The following CRB1 variants were observed in gnomAD, a reference collection of about 807,000 sequenced individuals.
CRB1 encodes protein crumbs homolog 1.
Under a neutral mutation model 120.0 loss-of-function variants are expected in CRB1, and 83 were observed. The observed-to-expected ratio is 0.69, with a 90% CI of 0.58 to 0.83. The LOEUF (loss-of-function observed/expected upper bound fraction) is 0.83, where lower values mean the gene tolerates loss of function less well. Ranked by LOEUF, CRB1 falls within the 40% of genes least tolerant of loss-of-function variation. CRB1 has a pLI of 0.00. For missense variants in CRB1, 1,699 were observed against 1,687.6 expected, an observed-to-expected ratio of 1.01 and a Z score of -0.12; for synonymous variants, 625 against 612.5, an observed-to-expected ratio of 1.02 and a Z score of -0.30.
intron 7 of CRB1, 30 bp downstream of exon 7, chr1:197,428,031 T>A: frequency 1.3e-6 from 2 of 1,581,496 alleles, no homozygotes; most frequent in Non-Finnish European, 1.7e-6. Context: ...ACTAGGTATA[T>A]ACTGTATGCT....
intron 5 of CRB1, among the ~76,000 whole-genome samples, chr1:197,395,316 T>C (rs1662717786): frequency 6.6e-6 from 1 of 152,188 alleles, no homozygotes; most frequent in Non-Finnish European, 1.5e-5. Context: ...GTAATGTACA[T>C]AATATCTGAA....
intron 1 of CRB1, among the ~76,000 whole-genome samples, chr1:197,300,774 G>C (rs1656817667): frequency 6.6e-6 from 1 of 152,198 alleles, no homozygotes; most frequent in African/African-American, 2.4e-5. Flanking sequence ...TAGCTAGAAA[G>C]AAGTTGATGC....
intron 11 of CRB1, among the ~76,000 whole-genome samples, chr1:197,449,331 C>T (rs962096115): frequency 1.3e-5 from 2 of 151,776 alleles, no homozygotes; most frequent in East Asian, 3.9e-4. Flanking sequence ...TGAATGAATT[C>T]TTTTATGTTT....
Position 197,268,326 on chromosome 1 carries a change from G to A in CRB1, c.-87G>A, listed in dbSNP as rs1277274157. ...GGCACCTGGGGGTTCTGAGGCACCCGCTCCTCTCTGAGACAGACAGGGATC... is the reference window on the plus strand; with the variant it reads ...GGCACCTGGGGGTTCTGAGGCACCCACTCCTCTCTGAGACAGACAGGGATC... On this transcript the variant is annotated 5_prime_UTR_variant, in exon 1 of 12. Coordinates refer to ENST00000367400, the MANE Select transcript of CRB1 (RefSeq NM_201253.3). 5 of 962,858 alleles carry A rather than the reference G, an allele frequency of 5.2e-6. No homozygotes were observed. Among genetic ancestry groups the A allele is most frequent in the African/African-American group, 1.6e-5 (1 of 62,244 alleles). 59.6% of individuals were successfully genotyped at this position (962,858 alleles called of 1,614,324 possible).
In CRB1 at chr1:197,287,134, T is replaced by C. The variant is rs574508258; in HGVS notation, c.70+18652T>C. ...GTACGTGGAATATGGCCTGAATATA[T>C]AGGAGCTAATTAGAAAATAAAGTAA... On this transcript the variant is annotated intron_variant, in intron 1 of 11. Coordinates refer to ENST00000367400, the MANE Select transcript of CRB1 (RefSeq NM_201253.3). 2.0e-5 allele frequency among the ~76,000 whole-genome samples: 3 copies of C among 151,990 alleles called. No individual in the cohort carries two copies. In the South Asian group the frequency reaches 6.2e-4, roughly 31 times the overall value.
chr1:197,234,440 G>A, the CRB1 span, among the ~76,000 whole-genome samples: 1 of 152,248 alleles, frequency 6.6e-6, no homozygotes, highest in Non-Finnish European at 1.5e-5. Context: ...TGAGCTTGGA[G>A]AGAGATCCTT....
chr1:197,341,134 G>A (rs776688121), intron 2 of CRB1, among the ~76,000 whole-genome samples: 3 of 152,098 alleles, frequency 2.0e-5, no homozygotes, highest in Non-Finnish European at 1.5e-5. Context: ...ATAACACCTG[G>A]GAATTCAAGA....
At chr1:197,405,692 C>CAT (rs1454365980) in intron 5 of CRB1, among the ~76,000 whole-genome samples, 1 of 151,942 alleles carries the variant, frequency 6.6e-6, no homozygotes, top group Non-Finnish European at 1.5e-5. Context: ...CCCTGCCGCC[C>CAT]CGTCTGGGAG....
At chr1:197,247,475 C>A in the CRB1 span, among the ~76,000 whole-genome samples, 1 of 151,988 alleles carries the variant, frequency 6.6e-6, no homozygotes, top group African/African-American at 2.4e-5. Context: ...ATTTATCTAA[C>A]CTTTCAAGGG....
At chr1:197,466,527 T>C (rs1234821944) in intron 11 of CRB1, among the ~76,000 whole-genome samples, 2 of 152,200 alleles carry the variant, frequency 1.3e-5, no homozygotes, top group African/African-American at 2.4e-5. Context: ...AGCATATCTA[T>C]TGGCTTTTTG....
intron 5 of CRB1, among the ~76,000 whole-genome samples, chr1:197,381,076 C>T (rs373180537): frequency 1.3e-5 from 2 of 152,172 alleles, no homozygotes; most frequent in Admixed American, 1.3e-4. Flanking sequence ...AGATCCTGAA[C>T]AATCATTAAT....
chr1:197,229,021 C>G, the CRB1 span, among the ~76,000 whole-genome samples: 1 of 152,080 alleles, frequency 6.6e-6, no homozygotes, highest in Non-Finnish European at 1.5e-5. Flanking sequence ...GTGTTCCTCC[C>G]ATAGAATGTG....
Position 197,427,819 on chromosome 1 carries a change from A to C in CRB1, c.2494A>C (p.Ile832Leu). Residue 832 changes from isoleucine to leucine, a missense_variant, in exon 7 of 12, where the codon ATT (isoleucine) becomes CTT (leucine). Physicochemically the swap from Ile to Leu is conservative, Grantham distance 5 (BLOSUM62 2). Coordinates refer to ENST00000367400, the MANE Select transcript of CRB1 (RefSeq NM_201253.3). ...WKIEKGDVIYIGGLPDKQETE... is the reference protein window; with the variant it reads ...WKIEKGDVIYLGGLPDKQETE... Reference sequence around the variant, plus strand: ...AATCGAAAAGGGAGATGTCATCTACATTGGTGGCCTACCTGACAAGCAAGA... The same window carrying C: ...AATCGAAAAGGGAGATGTCATCTACCTTGGTGGCCTACCTGACAAGCAAGA... 6.2e-7 allele frequency: 1 copy of C among 1,614,106 alleles called. No homozygotes were observed. Among genetic ancestry groups the C allele is most frequent in the Non-Finnish European group, 8.5e-7 (1 of 1,180,004 alleles).
At chr1:197,463,800 G>A (rs942237341) in intron 11 of CRB1, among the ~76,000 whole-genome samples, 5 of 151,998 alleles carry the variant, frequency 3.3e-5, no homozygotes, top group Non-Finnish European at 5.9e-5. Context: ...TAGTTCTAAC[G>A]TATTTTACAG....
At chr1:197,214,085 A>G in the CRB1 span, among the ~76,000 whole-genome samples, 1 of 152,106 alleles carries the variant, frequency 6.6e-6, no homozygotes, top group South Asian at 2.1e-4. Context: ...AATCAACGAA[A>G]CTAAAAGTTG....
At chr1:197,215,091 A>G in the CRB1 span, among the ~76,000 whole-genome samples, 1 of 152,194 alleles carries the variant, frequency 6.6e-6, no homozygotes. Flanking sequence ...CAATAGAGGC[A>G]GAAGAAGTAT....
intron 5 of CRB1, among the ~76,000 whole-genome samples, chr1:197,370,612 A>C (rs920555026): frequency 6.6e-6 from 1 of 152,206 alleles, no homozygotes; most frequent in African/African-American, 2.4e-5. Context: ...AAATTCCTTG[A>C]ACTGAATGAT....
chr1:197,310,764 G>A (rs1657469292), intron 1 of CRB1, among the ~76,000 whole-genome samples: 1 of 152,124 alleles, frequency 6.6e-6, no homozygotes, highest in Admixed American at 6.5e-5. Flanking sequence ...GTTCAATAAT[G>A]ACTTTTGTTT....
the CRB1 span, chr1:197,222,679 A>T: frequency 2.5e-6 from 2 of 787,520 alleles, no homozygotes; most frequent in Non-Finnish European, 4.7e-6. Context: ...CTCCATAATT[A>T]CTTGTTTCAG....
Sources: gnomAD v4.1 joint callset for allele counts (sites outside exome capture counted in the v4.1 genomes callset) on GRCh38, gnomAD v4.1.1 for gene constraint, MANE v1.5 for transcripts, NCBI Gene and HGNC (gene_info 2026-07-23, HGNC 2026-07-21) for gene names.